The following CAMTA1 variants were observed in gnomAD, a reference collection of about 807,000 sequenced individuals.
CAMTA1 encodes calmodulin binding transcription activator 1.
Under a neutral mutation model 170.9 loss-of-function variants are expected in CAMTA1, and 27 were observed. The observed-to-expected ratio is 0.16, with a 90% CI of 0.12 to 0.22. CAMTA1 has a LOEUF of 0.22. Ranked by LOEUF, CAMTA1 falls within the 10% of genes least tolerant of loss-of-function variation. CAMTA1 has a pLI of 1.00. For synonymous variants in CAMTA1, 833 were observed against 891.5 expected, an observed-to-expected ratio of 0.93 and a Z score of 1.17; for missense variants, 1,619 against 2,217.2, an observed-to-expected ratio of 0.73 and a Z score of 5.42.
intron 5 of CAMTA1, among the ~76,000 whole-genome samples, chr1:7,403,451 A>C (rs969664323): frequency 1.3e-5 from 2 of 152,224 alleles, no homozygotes; most frequent in African/African-American, 4.8e-5. Flanking sequence ...AATCCCAGTG[A>C]GAGAGATCTC....
At chr1:7,726,287 C>T (rs1050760485) in intron 11 of CAMTA1, among the ~76,000 whole-genome samples, 2 of 152,050 alleles carry the variant, frequency 1.3e-5, no homozygotes, top group African/African-American at 2.4e-5. Flanking sequence ...TATAGTTTCG[C>T]TGGGGAGGAC....
intron 4 of CAMTA1, among the ~76,000 whole-genome samples, chr1:7,223,270 C>T (rs759140703): frequency 6.6e-6 from 1 of 151,646 alleles, no homozygotes; most frequent in Non-Finnish European, 1.5e-5. Context: ...GATTCAGTGT[C>T]TCCCTACCCT....
chr1:7,526,961 G>A (rs2094438893), intron 6 of CAMTA1, among the ~76,000 whole-genome samples: 1 of 152,186 alleles, frequency 6.6e-6, no homozygotes, highest in African/African-American at 2.4e-5. Context: ...TTCCAAGAAA[G>A]CAGCCTTTCC....
At chr1:6,914,965 G>A (rs1340720475) in intron 3 of CAMTA1, among the ~76,000 whole-genome samples, 1 of 152,238 alleles carries the variant, frequency 6.6e-6, no homozygotes, top group Non-Finnish European at 1.5e-5. Context: ...TCAAAGGCAT[G>A]CCTTTGGCCG....
intron 5 of CAMTA1, among the ~76,000 whole-genome samples, chr1:7,264,373 G>A (rs898448734): frequency 2.0e-5 from 3 of 152,270 alleles, no homozygotes; most frequent in Admixed American, 6.5e-5. Flanking sequence ...AGTGCCTGCC[G>A]ATGGAAGCCA....
At chr1:6,869,023 G>A (rs1441445940) in intron 3 of CAMTA1, among the ~76,000 whole-genome samples, 1 of 152,206 alleles carries the variant, frequency 6.6e-6, no homozygotes, top group East Asian at 1.9e-4. Context: ...CTAGCTTTCT[G>A]TACTCTTTGA....
intron 6 of CAMTA1, among the ~76,000 whole-genome samples, chr1:7,606,792 G>A (rs2150627537): frequency 6.6e-6 from 1 of 152,334 alleles, no homozygotes; most frequent in South Asian, 2.1e-4. Context: ...CGCCAGCCCA[G>A]GAGCCATCCA....
chr1:7,078,625 C>T (rs1182840940), intron 3 of CAMTA1, among the ~76,000 whole-genome samples: 2 of 152,194 alleles, frequency 1.3e-5, no homozygotes, highest in Non-Finnish European at 2.9e-5. Flanking sequence ...ACTTTTGCCA[C>T]TGGCTGTGAT....
At chr1:6,862,166 T>C (rs2148906461) in intron 3 of CAMTA1, among the ~76,000 whole-genome samples, 1 of 152,294 alleles carries the variant, frequency 6.6e-6, no homozygotes, top group East Asian at 1.9e-4. Context: ...TTTCACCATG[T>C]TGGCCATGGT....
chr1:6,939,630 TCTTCCTCTCCA>T (rs1274368060), intron 3 of CAMTA1, among the ~76,000 whole-genome samples: 1 of 152,198 alleles, frequency 6.6e-6, no homozygotes, highest in African/African-American at 2.4e-5. Context: ...TGGCGAGAGT[TCTTCCTCTCCA>T]CCTTCTGCTG....
chr1:7,102,416 G>A (rs560429860), intron 4 of CAMTA1, among the ~76,000 whole-genome samples: 7 of 152,120 alleles, frequency 4.6e-5, no homozygotes, highest in African/African-American at 1.7e-4. Context: ...GGGATGATCT[G>A]TAGGAATTCA....
At chr1:7,458,120 C>T (rs1216742428) in intron 5 of CAMTA1, among the ~76,000 whole-genome samples, 5 of 152,176 alleles carry the variant, frequency 3.3e-5, no homozygotes, top group Admixed American at 3.3e-4. Flanking sequence ...TGCTGCCGTT[C>T]CTGGTTTCTA....
chr1:7,723,576 G>A (rs950400067), intron 11 of CAMTA1, among the ~76,000 whole-genome samples: 3 of 152,154 alleles, frequency 2.0e-5, no homozygotes, highest in Admixed American at 6.5e-5. Flanking sequence ...TCCAAAGAAC[G>A]GAAAGAGAAA....
At chr1:7,424,918 C>A (rs983979753) in intron 5 of CAMTA1, among the ~76,000 whole-genome samples, 1 of 152,052 alleles carries the variant, frequency 6.6e-6, no homozygotes, top group African/African-American at 2.4e-5. Flanking sequence ...TGTCTTCTAG[C>A]CAGCAGTTGA....
intron 6 of CAMTA1, among the ~76,000 whole-genome samples, chr1:7,485,558 G>A (rs900462698): frequency 6.6e-6 from 1 of 152,200 alleles, no homozygotes; most frequent in Non-Finnish European, 1.5e-5. Flanking sequence ...TGGGGCTGAC[G>A]TTCCTTGCCA....
chr1:7,294,185 C>G lies in CAMTA1; in HGVS notation c.438+44559C>G, dbSNP rs544381781. Among the ~76,000 whole-genome samples, 4 of 152,236 alleles carry G rather than the reference C, an allele frequency of 2.6e-5. No individual in the cohort carries two copies. In the East Asian group the frequency reaches 7.8e-4, roughly 30 times the overall value. On this transcript the variant is annotated intron_variant, in intron 5 of 22. Coordinates refer to ENST00000303635, the MANE Select transcript of CAMTA1 (RefSeq NM_015215.4). ...GCTGAGAGGGGATAACCCAAGGTGG[C>G]AGGAGGCTCCCTCGGTGGTTTGTGG... is the stretch of plus-strand genomic sequence containing the variant.
At position 7,234,788 on chromosome 1, in the gene CAMTA1, CT is replaced by C. The variant is rs34493681; in HGVS notation, c.303-14686del. Among the ~76,000 whole-genome samples, 153 of 136,326 alleles carry C rather than the reference CT, an allele frequency of 1.1e-3. No individual in the cohort carries two copies. Among genetic ancestry groups the C allele is most frequent in the Middle Eastern group, 3.8e-3 (1 of 264 alleles). 89.4% of individuals were successfully genotyped at this position (136,326 alleles called of 152,430 possible). On this transcript the variant is annotated intron_variant, in intron 4 of 22. Coordinates refer to ENST00000303635, the MANE Select transcript of CAMTA1 (RefSeq NM_015215.4). The surrounding 1 kb of genome is among the most constrained non-coding windows in gnomAD (Gnocchi z 5.0). ...GGGAAATTGGAAAATACAAGTTGAC[CT>C]TTTTTTTTTTTTTTTTAGATAGAGT... is the stretch of plus-strand genomic sequence containing the variant.
chr1:7,021,042 G>A (rs1701268718), intron 3 of CAMTA1, among the ~76,000 whole-genome samples: 1 of 152,268 alleles, frequency 6.6e-6, no homozygotes, highest in Non-Finnish European at 1.5e-5. Flanking sequence ...CATTCTTCGT[G>A]CTGGAGGCGA....
intron 5 of CAMTA1, among the ~76,000 whole-genome samples, chr1:7,449,354 A>G (rs1015267170): frequency 3.3e-5 from 5 of 152,154 alleles, no homozygotes; most frequent in Non-Finnish European, 7.3e-5. Context: ...GCAGTCTAAG[A>G]CCACCGGGCC....
Sources: gnomAD v4.1 joint callset for allele counts (sites outside exome capture counted in the v4.1 genomes callset) on GRCh38, gnomAD v4.1.1 for gene constraint, Gnocchi (gnomAD v3.1) non-coding constraint, MANE v1.5 for transcripts, NCBI Gene and HGNC (gene_info 2026-07-23, HGNC 2026-07-21) for gene names.